RIT1: variants seen among roughly 807,000 people sequenced by gnomAD.
The protein encoded by RIT1 is GTP-binding protein Rit1.
Under a neutral mutation model 25.6 loss-of-function variants are expected in RIT1, and 6 were observed. The ratio of observed to expected loss-of-function variants is 0.23; its 90% CI spans 0.13 to 0.46. The LOEUF is 0.46. RIT1 is among the 20% of genes least tolerant of loss of function. RIT1 has a pLI of 0.99. For missense variants in RIT1, 219 were observed against 284.4 expected, an observed-to-expected ratio of 0.77 and a Z score of 1.65; for synonymous variants, 81 against 94.1, an observed-to-expected ratio of 0.86 and a Z score of 0.80.
In RIT1 at chr1:155,899,291, G is replaced by T. The variant is rs1036770457; in HGVS notation, c.*1097C>A. ...TTCAGATGGGAAACTCCACCTATGTGAATTTTAAAGCTTTAAGACTGACCC... is the reference window on the plus strand; with the variant it reads ...TTCAGATGGGAAACTCCACCTATGTTAATTTTAAAGCTTTAAGACTGACCC... On this transcript the variant is annotated 3_prime_UTR_variant, in exon 6 of 6. Coordinates refer to ENST00000368323, the MANE Select transcript of RIT1 (RefSeq NM_006912.6). The T allele has an allele frequency of 9.5e-6, 2 of 211,086 alleles. No individual in the cohort carries two copies. Among genetic ancestry groups the T allele is most frequent in the Non-Finnish European group, 1.9e-5 (2 of 103,712 alleles). 13.1% of individuals were successfully genotyped at this position (211,086 alleles called of 1,614,324 possible). A position where few individuals can be genotyped will look rare whatever the true frequency, so the allele number is the denominator to read the frequency against.
At chr1:155,908,562 ATT>A (rs397745289) in intron 3 of RIT1, among the ~76,000 whole-genome samples, 30 of 139,862 alleles carry the variant, frequency 2.1e-4, no homozygotes, top group Middle Eastern at 3.7e-3. Context: ...TCTCTGAACA[ATT>A]TTTTTTTTTT....
At position 155,899,419 on chromosome 1, in the gene RIT1, G is replaced by A. The variant is rs1673261735; in HGVS notation, c.*969C>T. 4.4e-6 allele frequency: 1 copy of A among 226,394 alleles called. No homozygotes were observed. Among genetic ancestry groups the A allele is most frequent in the South Asian group, 1.8e-4 (1 of 5,444 alleles). The allele number at this position is 226,394 out of a possible 1,614,324, so 14.0% of individuals were successfully genotyped here. A position where few individuals can be genotyped will look rare whatever the true frequency, so the allele number is the denominator to read the frequency against. On this transcript the variant is annotated 3_prime_UTR_variant, in exon 6 of 6. Transcript: ENST00000368323. ...TACCCACACCCCTGATGTCTCTTCT[G>A]TATGGAAAATGCAATCAGTGATGAA...
In RIT1 at chr1:155,900,449, T is replaced by C; in HGVS notation, c.599A>G (p.Lys200Arg). ...TTTTAGCCTCTTCCATACACTGTTTTTGGGCTTAGATTTTTTCTCCATGGC... is the reference window on the plus strand; with the variant it reads ...TTTTAGCCTCTTCCATACACTGTTTCTGGGCTTAGATTTTTTCTCCATGGC... ...VLAMEKKSKP[K>R]NSVWKRLKSP... Residue 200 changes from lysine (K) to arginine (R), a missense_variant, in exon 6 of 6, where the codon AAA becomes AGA. Lys to Arg is a conservative substitution (Grantham distance 26). Coordinates refer to ENST00000368323, the MANE Select transcript of RIT1 (RefSeq NM_006912.6). The C allele has an allele frequency of 1.2e-6, 2 of 1,614,196 alleles. No individual in the cohort carries two copies. Among genetic ancestry groups the C allele is most frequent in the Non-Finnish European group, 1.7e-6 (2 of 1,180,022 alleles).
chr1:155,910,279 G>A (rs1381775055), intron 3 of RIT1, 171 bp downstream of exon 3: 1 of 598,206 alleles, frequency 1.7e-6, no homozygotes, highest in Non-Finnish European at 2.9e-6. Context: ...CATAAAGTCT[G>A]AAAAAAAAAG....
chr1:155,911,240 T>G lies in RIT1; in HGVS notation c.-44+3A>C. 9 of 282,454 alleles carry G rather than the reference T, an allele frequency of 3.2e-5. No homozygotes were observed. Among genetic ancestry groups the G allele is most frequent in the East Asian group, 8.0e-5 (1 of 12,456 alleles). The allele number at this position is 282,454 out of a possible 1,614,324, so 17.5% of individuals were successfully genotyped here. A position where few individuals can be genotyped will look rare whatever the true frequency, so the allele number is the denominator to read the frequency against. ...TCCGCCGCCAGACTCCCCACCCCTC[T>G]ACCTCACAAGCCGACGCCCTGCTGC... On this transcript the variant is annotated splice_donor_region_variant and intron_variant, in intron 1 of 5. Transcript: ENST00000368323.
intron 3 of RIT1, among the ~76,000 whole-genome samples, chr1:155,907,097 G>A (rs1673459420): frequency 6.6e-6 from 1 of 151,800 alleles, no homozygotes; most frequent in Non-Finnish European, 1.5e-5. Flanking sequence ...AACAGAGTGA[G>A]ACCCTGTCTC....
rs1277754109 is a variant in RIT1 at position 155,910,705 on chromosome 1, TGA to T, written c.55_56del (p.Ser19ThrfsTer32). The T allele has an allele frequency of 6.2e-7, 1 of 1,614,242 alleles. No homozygotes were observed. The highest frequency in any genetic ancestry group is 1.7e-5 in the Admixed American group (1 of 60,028). On this transcript the variant is annotated frameshift_variant, in exon 2 of 6. Transcript: ENST00000368323. LOFTEE classifies it high-confidence loss of function. Reference sequence around the variant, plus strand: ...CCAGCATCACTAGTTTGTACTCCCGTGAGAGCCCAGCGGGGCTGCTACAGCAG... The same window carrying T: ...CCAGCATCACTAGTTTGTACTCCCGTGAGCCCAGCGGGGCTGCTACAGCAG... ...GSCCSSPAGL[S>X]REYKLVMLGA...
In RIT1 at chr1:155,899,521, T is replaced by C. The variant is rs1279481702; in HGVS notation, c.*867A>G. 4.5e-6 allele frequency: 1 copy of C among 224,162 alleles called. No homozygotes were observed. Among genetic ancestry groups the C allele is most frequent in the African/African-American group, 2.2e-5 (1 of 44,772 alleles). The allele number at this position is 224,162 out of a possible 1,614,324, so 13.9% of individuals were successfully genotyped here. On this transcript the variant is annotated 3_prime_UTR_variant, in exon 6 of 6. Transcript: ENST00000368323. The stretch of plus-strand genomic sequence containing the variant: ...GGAGGAAGCAATGAATATAAATGTG[T>C]TGGTGTGTGCGTCTGTGGGGAAAAA...
chr1:155,910,733 C>T lies in RIT1; in HGVS notation c.29G>A (p.Ser10Asn), dbSNP rs1673577896. The change falls in exon 2 of 6, where the codon AGC becomes AAC. Residue 10 changes from serine (S) to asparagine (N), a missense_variant. By Grantham distance (46) the Ser-to-Asn change is conservative. Around this residue, in one of 3 missense-constraint regions of RIT1, gnomAD observed 131 missense variants for 173.6 expected, o/e 0.75. Coordinates refer to ENST00000368323, the MANE Select transcript of RIT1 (RefSeq NM_006912.6). ...GAGCCCAGCGGGGCTGCTACAGCAG[C>T]TACCAACTGGGCGAGTTCCAGAATC... MDSGTRPVG[S>N]CCSSPAGLSR... 6.2e-7 allele frequency: 1 copy of T among 1,614,270 alleles called. No individual in the cohort carries two copies. Among genetic ancestry groups the T allele is most frequent in the Non-Finnish European group, 8.5e-7 (1 of 1,180,040 alleles).
At chr1:155,907,471 G>A (rs938608770) in intron 3 of RIT1, among the ~76,000 whole-genome samples, 3 of 152,132 alleles carry the variant, frequency 2.0e-5, no homozygotes, top group Admixed American at 6.5e-5. Flanking sequence ...TTGAACTCCT[G>A]ACCTCAGGTG....
rs897864878 is a variant in RIT1 at position 155,898,279 on chromosome 1, C to T, written c.*2109G>A. On this transcript the variant is annotated 3_prime_UTR_variant, in exon 6 of 6. Coordinates refer to ENST00000368323, the MANE Select transcript of RIT1 (RefSeq NM_006912.6). The stretch of plus-strand genomic sequence containing the variant: ...ATGACAGTGATAGTCTTAAAAACAC[C>T]GATTTGTTATTTTCCTTATATATAA... 1 of 151,574 alleles carries T rather than the reference C, an allele frequency of 6.6e-6. No individual in the cohort carries two copies. Among genetic ancestry groups the T allele is most frequent in the Non-Finnish European group, 1.5e-5 (1 of 67,892 alleles). 9.4% of individuals were successfully genotyped at this position (151,574 alleles called of 1,614,324 possible).
rs1249518986 is a variant in RIT1 at position 155,899,872 on chromosome 1, G to C, written c.*516C>G. The C allele has an allele frequency of 4.6e-6, 1 of 217,626 alleles. No individual in the cohort carries two copies. The highest frequency in any genetic ancestry group is 9.3e-6 in the Non-Finnish European group (1 of 107,914). 13.5% of individuals were successfully genotyped at this position (217,626 alleles called of 1,614,324 possible). ...CCCAAATCTCACCACTCCATAGTCT[G>C]CAACAGGTGTCAGCCTCACAGGTAT... is the stretch of plus-strand genomic sequence containing the variant. On this transcript the variant is annotated 3_prime_UTR_variant, in exon 6 of 6. Transcript: ENST00000368323.
intron 3 of RIT1, among the ~76,000 whole-genome samples, chr1:155,909,015 C>T (rs1673517826): frequency 6.6e-6 from 1 of 152,046 alleles, no homozygotes; most frequent in Non-Finnish European, 1.5e-5. Flanking sequence ...GGAAACAGAG[C>T]AGCAGAGGCC....
chr1:155,900,577 G>T lies in RIT1; in HGVS notation c.471C>A (p.Ser157Arg). ...CAGCAGATGTCTCAAAAAAGGGACAGCTGAATTCTCGGGCCAAGGCCAATC... is the reference window on the plus strand; with the variant it reads ...CAGCAGATGTCTCAAAAAAGGGACATCTGAATTCTCGGGCCAAGGCCAATC... The part of the protein sequence containing the change: ...EEGLALAREF[S>R]CPFFETSAAY... The change falls in exon 6 of 6, where the codon AGC becomes AGA. Residue 157 changes from serine to arginine, a missense_variant. Physicochemically the swap from Ser to Arg is moderately radical, Grantham distance 110. Around this residue, in one of 3 missense-constraint regions of RIT1, gnomAD observed 81 missense variants for 83.8 expected, o/e 0.97. Coordinates refer to ENST00000368323, the MANE Select transcript of RIT1 (RefSeq NM_006912.6). 1 of 1,614,162 alleles carries T rather than the reference G, an allele frequency of 6.2e-7. No homozygotes were observed. Among genetic ancestry groups the T allele is most frequent in the Non-Finnish European group, 8.5e-7 (1 of 1,180,020 alleles).
At position 155,910,832 on chromosome 1, in the gene RIT1, C is replaced by T. The variant is rs1424274225; in HGVS notation, c.-43-28G>A. ...AGAAAAGGAGGAGGAAATGCTTAAT[C>T]CAGGATGGAGACACCACGGCGACAG... On this transcript the variant is annotated intron_variant, in intron 1 of 5. Transcript: ENST00000368323. 2 of 1,612,848 alleles carry T rather than the reference C, an allele frequency of 1.2e-6. 1 individual carries two copies. Among genetic ancestry groups the T allele is most frequent in the Admixed American group, 3.4e-5 (2 of 59,624 alleles).
chr1:155,901,136 T>G (rs1369216150), intron 5 of RIT1, among the ~76,000 whole-genome samples: 1 of 152,206 alleles, frequency 6.6e-6, no homozygotes, highest in Non-Finnish European at 1.5e-5. Flanking sequence ...TTTAAGATAC[T>G]TTTTGGAACA....
At position 155,898,825 on chromosome 1, in the gene RIT1, C is replaced by T. The variant is rs1423250466; in HGVS notation, c.*1563G>A. Reference sequence around the variant, plus strand: ...TTTCCAGGAGTTTAAAAAGGGACCACTACTCAGAGCTAAAAAAGTTCTAAC... The same window carrying T: ...TTTCCAGGAGTTTAAAAAGGGACCATTACTCAGAGCTAAAAAAGTTCTAAC... On this transcript the variant is annotated 3_prime_UTR_variant, in exon 6 of 6. Coordinates refer to ENST00000368323, the MANE Select transcript of RIT1 (RefSeq NM_006912.6). The T allele has an allele frequency of 1.0e-5, 2 of 192,048 alleles. No homozygotes were observed. Among genetic ancestry groups the T allele is most frequent in the Non-Finnish European group, 2.2e-5 (2 of 91,860 alleles). The allele number at this position is 192,048 out of a possible 1,614,324, so 11.9% of individuals were successfully genotyped here. A position where few individuals can be genotyped will look rare whatever the true frequency, so the allele number is the denominator to read the frequency against.
rs953465994 is a variant in RIT1 at position 155,898,089 on chromosome 1, A to C, written c.*2299T>G. 4 of 152,292 alleles carry C rather than the reference A, an allele frequency of 2.6e-5. No individual in the cohort carries two copies. Among genetic ancestry groups the C allele is most frequent in the African/African-American group, 9.7e-5 (4 of 41,428 alleles). The allele number at this position is 152,292 out of a possible 1,614,324, so 9.4% of individuals were successfully genotyped here. On this transcript the variant is annotated 3_prime_UTR_variant, in exon 6 of 6. Coordinates refer to ENST00000368323, the MANE Select transcript of RIT1 (RefSeq NM_006912.6). ...TCTCAAAGTTCTAGGCAGTAATTTT[A>C]ATGCCCTCAAATTAGATAAAGCTGA...
intron 5 of RIT1, among the ~76,000 whole-genome samples, chr1:155,902,483 C>T (rs1358893033): frequency 6.6e-6 from 1 of 150,986 alleles, no homozygotes; most frequent in East Asian, 2.0e-4. Context: ...TTGCAGTGAG[C>T]CAACATCATG....
Sources: gnomAD v4.1 joint callset for allele counts (sites outside exome capture counted in the v4.1 genomes callset) on GRCh38, gnomAD v4.1.1 for gene constraint, gnomAD v4.1.1 regional missense constraint, MANE v1.5 for transcripts, NCBI Gene and HGNC (gene_info 2026-07-23, HGNC 2026-07-21) for gene names.